The following RB1 variants were observed in gnomAD, a reference collection of about 807,000 sequenced individuals.
RB1 encodes retinoblastoma-associated protein.
In RB1, 18 loss-of-function variants were observed where a neutral mutation model predicts 135.4. That is an observed-to-expected ratio of 0.13 (90% confidence interval 0.09 to 0.20). The LOEUF (loss-of-function observed/expected upper bound fraction) is 0.20, where lower values mean the gene tolerates loss of function less well. Among genes scored for constraint, RB1 ranks in the 10% least tolerant of loss-of-function variants. The pLI is 1.00. For synonymous variants in RB1, 365 were observed against 373.2 expected (o/e 0.98, Z 0.25); for missense variants, 868 against 1,110.0 (o/e 0.78, Z 3.10).
chr13:48,345,301 A>G (rs1952482882), intron 4 of RB1, 102 bp downstream of exon 4: 2 of 1,335,872 alleles, frequency 1.5e-6, no homozygotes, highest in Admixed American at 1.7e-5. Context: ...GTTAGTAAGT[A>G]TTAATTCTTA....
chr13:48,328,407 T>C lies in RB1; in HGVS notation c.265-14192T>C, dbSNP rs566004683. 46 of 1,427,474 alleles carry C rather than the reference T, an allele frequency of 3.2e-5. No homozygotes were observed. In the South Asian group the frequency reaches 5.3e-4, roughly 16 times the overall value. The allele number at this position is 1,427,474 out of a possible 1,614,324, so 88.4% of individuals were successfully genotyped here. A position where few individuals can be genotyped will look rare whatever the true frequency, so the allele number is the denominator to read the frequency against. Reference sequence around the variant, plus strand: ...CTGACTACCTATGGCAAATCCAAAGTTGGAGATCTTTGCAGGCTTTGTTGG... The same window carrying C: ...CTGACTACCTATGGCAAATCCAAAGCTGGAGATCTTTGCAGGCTTTGTTGG... On this transcript the variant is annotated intron_variant, in intron 2 of 26. Coordinates refer to ENST00000267163, the MANE Select transcript of RB1 (RefSeq NM_000321.3).
chr13:48,449,330 T>C (rs886462346), intron 17 of RB1, among the ~76,000 whole-genome samples: 1 of 152,204 alleles, frequency 6.6e-6, no homozygotes, highest in African/African-American at 2.4e-5. Flanking sequence ...GTAGAGCAAT[T>C]TCTTAAGAAA....
chr13:48,322,189 A>G (rs966021843), intron 2 of RB1, among the ~76,000 whole-genome samples: 4 of 152,238 alleles, frequency 2.6e-5, no homozygotes, highest in African/African-American at 9.6e-5. Flanking sequence ...TTCACTTAGC[A>G]TAATGGCCTC....
At chr13:48,342,451 A>G in intron 2 of RB1, 148 bp from the exon 3 acceptor site, 1 of 545,408 alleles carries the variant, frequency 1.8e-6, no homozygotes. Context: ...AATATATGCC[A>G]TCAGAAGGAT....
intron 9 of RB1, among the ~76,000 whole-genome samples, chr13:48,366,610 T>A (rs1004910320): frequency 1.3e-5 from 2 of 152,168 alleles, no homozygotes; most frequent in African/African-American, 4.8e-5. Flanking sequence ...GATGAAAGAT[T>A]TACAAATTCT....
At chr13:48,379,957 T>TAAAA (rs35427721) in intron 14 of RB1, 96 bp from the exon 15 acceptor site, 71 of 369,208 alleles carry the variant, frequency 1.9e-4, no homozygotes, top group East Asian at 5.6e-4. Flanking sequence ...AGACACCATC[T>TAAAA]AAAAAAAAAA....
intron 2 of RB1, chr13:48,317,492 A>C (rs1198205351): frequency 4.4e-6 from 2 of 453,366 alleles, no homozygotes; most frequent in Non-Finnish European, 8.0e-6. Context: ...CGGCTCCCGC[A>C]GCCCATGTGA....
chr13:48,342,533 T>C, intron 2 of RB1, 66 bp from the exon 3 acceptor site: 1 of 1,006,240 alleles, frequency 9.9e-7, no homozygotes, highest in Non-Finnish European at 1.6e-6. Flanking sequence ...TATAATACAG[T>C]TTTAACATAG....
At chr13:48,396,542 C>CCCTAGAAGAAAA in intron 17 of RB1, among the ~76,000 whole-genome samples, 1 of 152,236 alleles carries the variant, frequency 6.6e-6, no homozygotes, top group Middle Eastern at 3.4e-3. Flanking sequence ...ACCATAAAAA[C>CCCTAGAAGAAAA]CCTAGAAGAA....
chr13:48,355,685 A>G (rs1257587384), intron 6 of RB1, among the ~76,000 whole-genome samples: 2 of 152,118 alleles, frequency 1.3e-5, no homozygotes, highest in Non-Finnish European at 2.9e-5. Flanking sequence ...CCATCAACAG[A>G]TGAATGGATA....
chr13:48,389,257 A>G (rs1042361682), intron 17 of RB1, among the ~76,000 whole-genome samples: 1 of 152,144 alleles, frequency 6.6e-6, no homozygotes, highest in African/African-American at 2.4e-5. Context: ...TTGCTCACTC[A>G]GACTTTTCAG....
chr13:48,447,040 T>C (rs552827762), intron 17 of RB1, among the ~76,000 whole-genome samples: 1 of 152,294 alleles, frequency 6.6e-6, no homozygotes, highest in East Asian at 1.9e-4. Context: ...TTGCTTTGAC[T>C]CTAGCAATGG....
At chr13:48,417,426 AC>A (rs1227930256) in intron 17 of RB1, 5 of 152,266 alleles carry the variant, frequency 3.3e-5, no homozygotes, top group African/African-American at 1.2e-4. Flanking sequence ...TTTGAAGGTC[AC>A]CAACATCGAA....
In RB1 at chr13:48,381,322, C is replaced by T. The variant is rs4151539; in HGVS notation, c.1574C>T (p.Ala525Val). The part of the protein sequence containing the change: ...PWILNVLNLK[A>V]FDFYKVIESF... ...ATTCTGAATGTGCTTAATTTAAAAG[C>T]CTTTGATTTTTACAAAGTGATCGAA... Residue 525 changes from alanine (A) to valine (V), a missense_variant, in exon 17 of 27, where the codon GCC (alanine) becomes GTC (valine). This residue lies in a region of RB1 where 641 missense variants were observed against 791.3 expected (regional missense o/e 0.81). Transcript: ENST00000267163. 6.2e-7 allele frequency: 1 copy of T among 1,611,656 alleles called. No homozygotes were observed. The highest frequency in any genetic ancestry group is 2.2e-5 in the East Asian group (1 of 44,676).
intron 26 of RB1, 55 bp from the exon 27 acceptor site, chr13:48,479,943 T>C (rs1376481853): frequency 2.7e-6 from 4 of 1,465,108 alleles, no homozygotes; most frequent in Non-Finnish European, 3.8e-6. Flanking sequence ...GGCAGCCACT[T>C]GCCAACTTAC....
chr13:48,380,454 A>C (rs1319878437), intron 16 of RB1, among the ~76,000 whole-genome samples: 1 of 152,122 alleles, frequency 6.6e-6, no homozygotes, highest in African/African-American at 2.4e-5. Flanking sequence ...ATATTTCACT[A>C]GGCTTCTCTT....
chr13:48,359,680 A>G (rs1004974895), intron 6 of RB1, among the ~76,000 whole-genome samples: 2 of 150,238 alleles, frequency 1.3e-5, no homozygotes, highest in Non-Finnish European at 3.0e-5. Context: ...AATACATTCT[A>G]TAGTTCTTAA....
intron 17 of RB1, among the ~76,000 whole-genome samples, chr13:48,384,942 G>C (rs1420584916): frequency 6.6e-6 from 1 of 152,112 alleles, no homozygotes; most frequent in Non-Finnish European, 1.5e-5. Flanking sequence ...AGGTGCTATC[G>C]AATGCATCAT....
chr13:48,318,532 C>T (rs1952205611), intron 2 of RB1: 2 of 857,274 alleles, frequency 2.3e-6, no homozygotes, highest in Non-Finnish European at 3.6e-6. Context: ...CCCTTGGCTG[C>T]GCCCTCCCCT....
Sources: gnomAD v4.1 joint callset for allele counts (sites outside exome capture counted in the v4.1 genomes callset) on GRCh38, gnomAD v4.1.1 for gene constraint, gnomAD v4.1.1 regional missense constraint, MANE v1.5 for transcripts, NCBI Gene and HGNC (gene_info 2026-07-23, HGNC 2026-07-21) for gene names.